The following NCAPH variants were observed in gnomAD, a reference collection of about 807,000 sequenced individuals.
NCAPH encodes non-SMC condensin I complex subunit H, also known as condensin complex subunit 2.
Under a neutral mutation model 85.5 loss-of-function variants are expected in NCAPH, and 38 were observed. The ratio of observed to expected loss-of-function variants is 0.44; its 90% CI spans 0.34 to 0.58. NCAPH has a LOEUF of 0.58. Among genes scored for constraint, NCAPH ranks in the 20% least tolerant of loss-of-function variants. NCAPH has a pLI of 0.01. For synonymous variants in NCAPH, 301 were observed against 335.1 expected (o/e 0.90, Z 1.11); for missense variants, 789 against 916.6 (o/e 0.86, Z 1.80).
chr2:96,362,460 T>C (rs2064638045), intron 12 of NCAPH, among the ~76,000 whole-genome samples: 1 of 152,086 alleles, frequency 6.6e-6, no homozygotes, highest in Non-Finnish European at 1.5e-5. Flanking sequence ...CGAAACCCCG[T>C]CTCTACTAAA....
At position 96,368,982 on chromosome 2, in the gene NCAPH, G is replaced by T; in HGVS notation, c.2009G>T (p.Arg670Met). ...ATGTGCTTCTGTTAGGCAAACCACA[G>T]GGAAGCTGGAAAAGAAGCGGCCCTG... The part of the protein sequence containing the change: ...GKEADAEANH[R>M]EAGKEAALAE... The change falls in exon 16 of 18, where the codon AGG (arginine) becomes ATG (methionine). Residue 670 changes from arginine (R) to methionine (M), a missense_variant. Physicochemically the swap from Arg to Met is moderately conservative, Grantham distance 91 (BLOSUM62 -1). Coordinates refer to ENST00000240423, the MANE Select transcript of NCAPH (RefSeq NM_015341.5). 1 of 1,554,252 alleles carries T rather than the reference G, an allele frequency of 6.4e-7. No individual in the cohort carries two copies. Among genetic ancestry groups the T allele is most frequent in the South Asian group, 1.2e-5 (1 of 84,156 alleles).
chr2:96,360,668 T>C lies in NCAPH; in HGVS notation c.1545T>C (p.Asn515=). 1 of 1,614,166 alleles carries C rather than the reference T, an allele frequency of 6.2e-7. No individual in the cohort carries two copies. Among genetic ancestry groups the C allele is most frequent in the Non-Finnish European group, 8.5e-7 (1 of 1,180,022 alleles). ...ATTLPTDFNY[N]VDTLVQLHLK... Reference sequence around the variant, plus strand: ...CCCTTCCTACAGATTTCAACTACAATGTTGACACTCTGGTCCAGCTTCACC... The same window carrying C: ...CCCTTCCTACAGATTTCAACTACAACGTTGACACTCTGGTCCAGCTTCACC... Residue 515 remains asparagine (N), a synonymous_variant, in exon 12 of 18, where the codon AAT becomes AAC. Transcript: ENST00000240423.
At chr2:96,342,217 A>T in intron 3 of NCAPH, 77 bp downstream of exon 3, 1 of 1,237,944 alleles carries the variant, frequency 8.1e-7, no homozygotes, top group Non-Finnish European at 1.2e-6. Flanking sequence ...GTTTCTGTAG[A>T]TAATGCACAA....
chr2:96,364,772 G>A (rs763043736), intron 13 of NCAPH, among the ~76,000 whole-genome samples, 181 bp downstream of exon 13: 1 of 152,200 alleles, frequency 6.6e-6, no homozygotes, highest in East Asian at 1.9e-4. Flanking sequence ...CAAGGAAACA[G>A]CCTCACCTTG....
intron 7 of NCAPH, 106 bp from the exon 8 acceptor site, chr2:96,353,200 A>T: frequency 1.2e-6 from 1 of 859,784 alleles, no homozygotes; most frequent in Non-Finnish European, 1.8e-6. Flanking sequence ...ACAGTGAGGT[A>T]ACTGTGCCTC....
Position 96,354,322 on chromosome 2 carries a change from A to G in NCAPH, c.1142A>G (p.His381Arg), listed in dbSNP as rs1348588041. Residue 381 changes from histidine (H) to arginine (R), a missense_variant, in exon 9 of 18, where the codon CAC becomes CGC. By Grantham distance (29) the His-to-Arg change is conservative. Coordinates refer to ENST00000240423, the MANE Select transcript of NCAPH (RefSeq NM_015341.5). ...TTTGATGCCAACGATGAACCTGACC[A>G]CACCGCAGTTGGGGATCATGAAGAG... ...DDFDANDEPDHTAVGDHEEFR... is the reference protein window; with the variant it reads ...DDFDANDEPDRTAVGDHEEFR... The G allele has an allele frequency of 1.9e-6, 3 of 1,613,796 alleles. No homozygotes were observed. In the Admixed American group the frequency reaches 5.0e-5, roughly 27 times the overall value.
intron 1 of NCAPH, among the ~76,000 whole-genome samples, chr2:96,337,245 G>T (rs2064225561): frequency 6.6e-6 from 1 of 152,212 alleles, no homozygotes; most frequent in Admixed American, 6.5e-5. Flanking sequence ...CTTAGACAAG[G>T]TTCTCCTTAA....
chr2:96,361,237 A>G (rs139440643), intron 12 of NCAPH, among the ~76,000 whole-genome samples: 1 of 151,664 alleles, frequency 6.6e-6, no homozygotes, highest in East Asian at 1.9e-4. Context: ...TTTAACAGGG[A>G]CAGGGTTTCA....
chr2:96,342,683 C>G, intron 3 of NCAPH, 73 bp from the exon 4 acceptor site: 1 of 1,215,412 alleles, frequency 8.2e-7, no homozygotes, highest in Non-Finnish European at 1.2e-6. Context: ...TTAGCTTCCT[C>G]TGTTAAAAGC....
intron 1 of NCAPH, among the ~76,000 whole-genome samples, chr2:96,337,692 AC>A (rs1333401616): frequency 6.6e-6 from 1 of 152,036 alleles, no homozygotes; most frequent in Admixed American, 6.5e-5. Flanking sequence ...TGCTGGGATT[AC>A]AGGCATGAGC....
In NCAPH at chr2:96,342,781, G is replaced by A. The variant is rs777225444; in HGVS notation, c.389G>A (p.Gly130Asp). 6.2e-7 allele frequency: 1 copy of A among 1,612,732 alleles called. No homozygotes were observed. The highest frequency in any genetic ancestry group is 8.5e-7 in the Non-Finnish European group (1 of 1,179,350). ...AAAATCACTACCAAGAATGCTTTTGGTTTGCACTTGATTGATTTTATGTCA... is the reference window on the plus strand; with the variant it reads ...AAAATCACTACCAAGAATGCTTTTGATTTGCACTTGATTGATTTTATGTCA... ...ENKITTKNAF[G>D]LHLIDFMSEI... Residue 130 changes from glycine to aspartate, a missense_variant, in exon 4 of 18, where the codon GGT (glycine) becomes GAT (aspartate). Physicochemically the swap from Gly to Asp is moderately conservative, Grantham distance 94. Transcript: ENST00000240423.
chr2:96,348,291 G>A (rs961240714), intron 6 of NCAPH, among the ~76,000 whole-genome samples: 4 of 149,934 alleles, frequency 2.7e-5, no homozygotes, highest in Non-Finnish European at 5.9e-5. Flanking sequence ...CCGGGTTCAC[G>A]CCATTCTCCT....
rs748559519 is a variant in NCAPH at position 96,354,308 on chromosome 2, C to T, written c.1128C>T (p.Asn376=). ...DGSLGDDFDA[N]DEPDHTAVGD... Reference sequence around the variant, plus strand: ...CCCTGGGGGATGACTTTGATGCCAACGATGAACCTGACCACACCGCAGTTG... The same window carrying T: ...CCCTGGGGGATGACTTTGATGCCAATGATGAACCTGACCACACCGCAGTTG... The change falls in exon 9 of 18, where the codon AAC becomes AAT. Residue 376 remains asparagine (N), a synonymous_variant. Transcript: ENST00000240423. 4.3e-6 allele frequency: 7 copies of T among 1,614,030 alleles called. No homozygotes were observed. The highest frequency in any genetic ancestry group is 2.2e-5 in the South Asian group (2 of 91,054).
At chr2:96,373,250 C>T (rs368102389) in intron 17 of NCAPH, 42 bp from the exon 18 acceptor site, 90 of 1,522,858 alleles carry the variant, frequency 5.9e-5, no homozygotes, top group Middle Eastern at 1.7e-4. Flanking sequence ...TTCTTTTATT[C>T]TCCGTATACC....
At position 96,360,158 on chromosome 2, in the gene NCAPH, A is replaced by T; in HGVS notation, c.1373A>T (p.Gln458Leu). 6.3e-7 allele frequency: 1 copy of T among 1,586,280 alleles called. No individual in the cohort carries two copies. Among genetic ancestry groups the T allele is most frequent in the South Asian group, 1.1e-5 (1 of 89,364 alleles). The change falls in exon 11 of 18, where the codon CAA (glutamine) becomes CTA (leucine). Residue 458 changes from glutamine (Q) to leucine (L), a missense_variant. Coordinates refer to ENST00000240423, the MANE Select transcript of NCAPH (RefSeq NM_015341.5). The part of the protein sequence containing the change: ...RPRRKQDAPS[Q>L]SENKKKSTKK... ...CACTCTGCAGAAGATGCTCCTTCCC[A>T]ATCAGAAAACAAAAAGAAGAGTACA...
chr2:96,348,574 C>G (rs1015181062), intron 6 of NCAPH, among the ~76,000 whole-genome samples: 2 of 152,034 alleles, frequency 1.3e-5, no homozygotes, highest in African/African-American at 2.4e-5. Context: ...CCAGAAAGCC[C>G]TTTCTACGTT....
chr2:96,369,814 G>T (rs550790423), intron 17 of NCAPH, among the ~76,000 whole-genome samples: 2 of 152,318 alleles, frequency 1.3e-5, no homozygotes, highest in South Asian at 4.1e-4. Flanking sequence ...GACTTTAAAG[G>T]CCAAAGCCTA....
At chr2:96,348,609 G>A (rs1481081145) in intron 6 of NCAPH, among the ~76,000 whole-genome samples, 1 of 151,756 alleles carries the variant, frequency 6.6e-6, no homozygotes, top group Non-Finnish European at 1.5e-5. Context: ...AATTCTCCTT[G>A]TTTTTTCCCC....
intron 6 of NCAPH, among the ~76,000 whole-genome samples, chr2:96,347,962 A>C (rs1376727705): frequency 6.6e-6 from 1 of 151,920 alleles, no homozygotes; most frequent in African/African-American, 2.4e-5. Context: ...TCTTGTGGGG[A>C]GAGGGAGTTG....
Sources: allele counts gnomAD v4.1 joint callset (sites outside exome capture counted in the v4.1 genomes callset), GRCh38; gene constraint gnomAD v4.1.1; transcripts MANE v1.5; gene names NCBI Gene and HGNC (gene_info 2026-07-23, HGNC 2026-07-21).